Variants in DEPDC5 observed in about 807,000 individuals in gnomAD.
The protein encoded by DEPDC5 is GATOR1 complex protein DEPDC5.
DEPDC5 carries 73 observed loss-of-function variants against 217.3 expected under a neutral mutation model. That is an observed-to-expected ratio of 0.34 (90% CI 0.28 to 0.41). The LOEUF (loss-of-function observed/expected upper bound fraction) is 0.41, where lower values mean the gene tolerates loss of function less well. DEPDC5 is among the 10% of genes least tolerant of loss of function. The probability of loss-of-function intolerance (pLI) is 1.00; values close to 1 mark genes in which losing one functional copy is unlikely to be tolerated. For missense variants in DEPDC5, 1,675 were observed against 2,070.1 expected (o/e 0.81, Z 3.70); for synonymous variants, 733 against 756.7 (o/e 0.97, Z 0.51).
At chr22:31,833,803 C>A in intron 24 of DEPDC5, 112 bp from the exon 25 acceptor site, 1 of 842,776 alleles carries the variant, frequency 1.2e-6, no homozygotes, top group Non-Finnish European at 1.8e-6. Context: ...AGAATTTGCA[C>A]TTGGTTTACA....
chr22:31,791,356 A>G (rs910028777), intron 10 of DEPDC5, among the ~76,000 whole-genome samples: 4 of 151,946 alleles, frequency 2.6e-5, no homozygotes, highest in Admixed American at 1.3e-4. Context: ...TAAGAATATT[A>G]TGTGCAGCTG....
chr22:31,801,986 A>G (rs2086909174), intron 14 of DEPDC5, among the ~76,000 whole-genome samples: 1 of 149,766 alleles, frequency 6.7e-6, no homozygotes, highest in Non-Finnish European at 1.5e-5. Flanking sequence ...TCTTTTAAAT[A>G]GTGTCTTAAA....
intron 38 of DEPDC5, among the ~76,000 whole-genome samples, chr22:31,891,619 GGGCTTCTATCT>G (rs1209436523): frequency 6.6e-6 from 1 of 152,214 alleles, no homozygotes; most frequent in African/African-American, 2.4e-5. Flanking sequence ...AACCCACTCA[GGGCTTCTATCT>G]GCAGAACCCA....
At chr22:31,777,591 TCCCAGATTAAGAGC>T (rs1241043215) in intron 7 of DEPDC5, among the ~76,000 whole-genome samples, 1 of 151,866 alleles carries the variant, frequency 6.6e-6, no homozygotes, top group Non-Finnish European at 1.5e-5. Context: ...ATATGTGGAC[TCCCAGATTAAGAGC>T]CCCTGTTCAT....
intron 20 of DEPDC5, chr22:31,814,063 A>T (rs1203824937): frequency 6.6e-6 from 1 of 152,208 alleles, no homozygotes; most frequent in Non-Finnish European, 1.5e-5. Context: ...TGAACCCAGG[A>T]TGTGGAGGCT....
At position 31,879,545 on chromosome 22, in the gene DEPDC5, A is replaced by C. The variant is rs756257890; in HGVS notation, c.3826A>C (p.Thr1276Pro). ...CCCAGTGGCCATGCAGCAGCCCGCC[A>C]CCACCTGGCACACAGCAGGAGTGGA... The part of the protein sequence containing the change: ...PDRVAMQQPA[T>P]TWHTAGVDDF... Residue 1276 changes from threonine (T) to proline (P), a missense_variant, in exon 38 of 43, where the codon ACC becomes CCC. This residue lies in a region of DEPDC5 where 194 missense variants were observed against 199.3 expected (regional missense o/e 0.97). Transcript: ENST00000651528. The C allele has an allele frequency of 6.2e-7, 1 of 1,611,300 alleles. No homozygotes were observed.
chr22:31,863,441 A>G (rs926282101), intron 33 of DEPDC5, among the ~76,000 whole-genome samples: 1 of 152,236 alleles, frequency 6.6e-6, no homozygotes, highest in African/African-American at 2.4e-5. Context: ...TGCTAGGATT[A>G]CAGGCGTGAG....
intron 20 of DEPDC5, among the ~76,000 whole-genome samples, chr22:31,812,598 G>A (rs2088538345): frequency 7.5e-6 from 1 of 133,446 alleles, no homozygotes. Context: ...CTAATTTTTT[G>A]TATTTTTAGT....
At chr22:31,765,916 G>A (rs764142640) in intron 5 of DEPDC5, among the ~76,000 whole-genome samples, 5 of 152,154 alleles carry the variant, frequency 3.3e-5, no homozygotes, top group Middle Eastern at 3.2e-3. Flanking sequence ...CCATCTACTC[G>A]GGAGGCTGAG....
intron 4 of DEPDC5, 82 bp downstream of exon 4, chr22:31,760,784 G>C: frequency 2.6e-6 from 3 of 1,148,154 alleles, no homozygotes; most frequent in Non-Finnish European, 3.8e-6. Flanking sequence ...AATTTCAAGG[G>C]ATGAGGGCAA....
At position 31,822,740 on chromosome 22, in the gene DEPDC5, T is replaced by G. The variant is rs747293105; in HGVS notation, c.2054T>G (p.Phe685Cys). The change falls in exon 24 of 43, where the codon TTC becomes TGC. Residue 685 changes from phenylalanine (F) to cysteine (C), a missense_variant. Around this residue, in one of 11 missense-constraint regions of DEPDC5, gnomAD observed 136 missense variants for 132.2 expected, o/e 1.03. Coordinates refer to ENST00000651528, the MANE Select transcript of DEPDC5 (RefSeq NM_001242896.3). ...QPGDGMSFLNFSGTEELSVGL... is the reference protein window; with the variant it reads ...QPGDGMSFLNCSGTEELSVGL... ...GGTGACGGCATGTCCTTCTTGAACT[T>G]CAGTGGAACAGAGGAGCTTTCTGTC... 6.2e-7 allele frequency: 1 copy of G among 1,614,124 alleles called. No homozygotes were observed. The highest frequency in any genetic ancestry group is 1.1e-5 in the South Asian group (1 of 91,066).
At position 31,870,750 on chromosome 22, in the gene DEPDC5, A is replaced by T. The variant is rs748792142; in HGVS notation, c.3485+6A>T. On this transcript the variant is annotated splice_donor_region_variant and intron_variant, in intron 34 of 42. Coordinates refer to ENST00000651528, the MANE Select transcript of DEPDC5 (RefSeq NM_001242896.3). ...ACAAACTCCAGTGACAGCAGGTGAG[A>T]TTCAGAGTGGCCAAACTCATGTTCC... 6.5e-7 allele frequency: 1 copy of T among 1,549,070 alleles called. No homozygotes were observed. Among genetic ancestry groups the T allele is most frequent in the Non-Finnish European group, 8.7e-7 (1 of 1,149,230 alleles).
intron 4 of DEPDC5, among the ~76,000 whole-genome samples, chr22:31,761,916 C>T (rs367872958): frequency 1.6e-4 from 24 of 148,206 alleles, no homozygotes; most frequent in South Asian, 2.1e-4. Flanking sequence ...TGCAGTGAGC[C>T]GAGGTCACGC....
At chr22:31,893,812 C>A in intron 39 of DEPDC5, 61 bp downstream of exon 39, 1 of 1,425,076 alleles carries the variant, frequency 7.0e-7, no homozygotes, top group Non-Finnish European at 9.2e-7. Flanking sequence ...CATGGAGATG[C>A]TTGATAGAGA....
At chr22:31,853,197 G>C (rs1385972843) in intron 31 of DEPDC5, 1 of 152,218 alleles carries the variant, frequency 6.6e-6, no homozygotes, top group South Asian at 2.1e-4. Context: ...TGTCAAGCTG[G>C]GGGTGAGGTG....
intron 17 of DEPDC5, 140 bp downstream of exon 17, chr22:31,805,055 T>A: frequency 3.9e-6 from 3 of 762,812 alleles, no homozygotes; most frequent in Non-Finnish European, 6.4e-6. Flanking sequence ...TAACATTTGC[T>A]CAAAGCTCTG....
Position 31,844,763 on chromosome 22 carries a change from CCAAGCTGGTCTCAACTCCTGAGTT to C in DEPDC5, c.2802-249_2802-226del, listed in dbSNP as rs540072983. 1,269 of 391,522 alleles carry C rather than the reference CCAAGCTGGTCTCAACTCCTGAGTT, an allele frequency of 3.2e-3. 5 individuals carry two copies. The highest frequency in any genetic ancestry group is 6.7e-3 in the Admixed American group (128 of 19,122). 24.3% of individuals were successfully genotyped at this position (391,522 alleles called of 1,614,324 possible). A position where few individuals can be genotyped will look rare whatever the true frequency, so the allele number is the denominator to read the frequency against. ...TGGAGATGGGGTCTCGCCATGTTCC[CCAAGCTGGTCTCAACTCCTGAGTT>C]CAAGCAATCCTCCTGCCTCGGCCTC... On this transcript the variant is annotated intron_variant, in intron 29 of 42. Coordinates refer to ENST00000651528, the MANE Select transcript of DEPDC5 (RefSeq NM_001242896.3).
intron 8 of DEPDC5, among the ~76,000 whole-genome samples, chr22:31,779,535 G>C (rs890427069): frequency 6.6e-6 from 1 of 152,284 alleles, no homozygotes; most frequent in Admixed American, 6.5e-5. Context: ...TTCATGCAGG[G>C]CCTTCAAGGT....
chr22:31,778,220 T>A, intron 8 of DEPDC5, 52 bp downstream of exon 8: 1 of 1,552,746 alleles, frequency 6.4e-7, no homozygotes, highest in Non-Finnish European at 8.9e-7. Flanking sequence ...CTATTATGGC[T>A]AAGTCCTAAA....
Sources: gnomAD v4.1 joint callset for allele counts (sites outside exome capture counted in the v4.1 genomes callset) on GRCh38, gnomAD v4.1.1 for gene constraint, gnomAD v4.1.1 regional missense constraint, MANE v1.5 for transcripts, NCBI Gene and HGNC (gene_info 2026-07-23, HGNC 2026-07-21) for gene names.